Variants in CELSR1 observed in about 807,000 individuals in gnomAD.
CELSR1 encodes cadherin EGF LAG seven-pass G-type receptor 1.
A neutral mutation model predicts 249.1 loss-of-function variants in CELSR1; 110 were observed. That is an observed-to-expected ratio of 0.44 (90% CI 0.38 to 0.52). CELSR1 has a LOEUF of 0.52. Among genes scored for constraint, CELSR1 ranks in the 20% least tolerant of loss-of-function variants. The probability of loss-of-function intolerance (pLI) is 0.00; values close to 1 mark genes in which losing one functional copy is unlikely to be tolerated. For synonymous variants in CELSR1, 2,113 were observed against 1,900.0 expected (o/e 1.11, Z -2.92); for missense variants, 4,109 against 4,296.4 (o/e 0.96, Z 1.22).
In CELSR1 at chr22:46,410,103, C is replaced by T. The variant is rs375559058; in HGVS notation, c.4934-223G>A. On this transcript the variant is annotated intron_variant, in intron 7 of 34. Coordinates refer to ENST00000674500, the MANE Select transcript of CELSR1 (RefSeq NM_001378328.1). This position sits in a 1 kb window ranked among gnomAD's most constrained non-coding sequence, Gnocchi z 6.8. ...TGGGACGCCAGGCCATCACGGCAGC[C>T]GGCCCGGTCACCTGGTGACACATAT... Among the ~76,000 whole-genome samples the T allele has an allele frequency of 5.9e-5, 9 of 152,210 alleles. No homozygotes were observed. The highest frequency in any genetic ancestry group is 4.1e-4 in the South Asian group (2 of 4,830).
In CELSR1 at chr22:46,536,747, C is replaced by T; in HGVS notation, c.424G>A (p.Ala142Thr). Residue 142 changes from alanine to threonine, a missense_variant, in exon 1 of 35, where the codon GCG becomes ACG. Ala to Thr is a moderately conservative substitution (Grantham distance 58). Coordinates refer to ENST00000674500, the MANE Select transcript of CELSR1 (RefSeq NM_001378328.1). ...GGAGCTGCGAGCGCCGAATGCTGCG[C>T]GGCCGCGCAGCCGCCGGGGACGGGG... ...CFPVPGGCAAAQHSALAAPTT... is the reference protein window; with the variant it reads ...CFPVPGGCAATQHSALAAPTT... 3 of 1,174,038 alleles carry T rather than the reference C, an allele frequency of 2.6e-6. No individual in the cohort carries two copies. Among genetic ancestry groups the T allele is most frequent in the Non-Finnish European group, 3.2e-6 (3 of 951,968 alleles). The allele number at this position is 1,174,038 out of a possible 1,614,324, so 72.7% of individuals were successfully genotyped here. A position where few individuals can be genotyped will look rare whatever the true frequency, so the allele number is the denominator to read the frequency against.
chr22:46,485,013 G>C (rs1301227492), intron 1 of CELSR1, among the ~76,000 whole-genome samples: 1 of 151,904 alleles, frequency 6.6e-6, no homozygotes, highest in East Asian at 1.9e-4. Flanking sequence ...GACTGATTCA[G>C]CATGACATTA....
intron 5 of CELSR1, among the ~76,000 whole-genome samples, chr22:46,414,210 G>A (rs912845189): frequency 6.6e-6 from 1 of 152,220 alleles, no homozygotes; most frequent in Non-Finnish European, 1.5e-5. Context: ...AGGGCGTTTA[G>A]GAAACGGTCT....
rs1285560647 is a variant in CELSR1 at position 46,488,554 on chromosome 22, A to G, written c.3545-24209T>C. ...GGCCAGAGGGAAGCCCCACAGGCCT[A>G]GCTGAGGGACACAAAAAGAACAAAC... On this transcript the variant is annotated intron_variant, in intron 1 of 34. Transcript: ENST00000674500. The surrounding 1 kb of genome is among the most constrained non-coding windows in gnomAD (Gnocchi z 4.7). Among the ~76,000 whole-genome samples the G allele has an allele frequency of 6.6e-6, 1 of 152,168 alleles. No homozygotes were observed. The highest frequency in any genetic ancestry group is 1.5e-5 in the Non-Finnish European group (1 of 68,012).
chr22:46,364,574 G>C lies in CELSR1; in HGVS notation c.8717C>G (p.Pro2906Arg). 2 of 1,612,278 alleles carry C rather than the reference G, an allele frequency of 1.2e-6. No individual in the cohort carries two copies. The highest frequency in any genetic ancestry group is 4.5e-5 in the East Asian group (2 of 44,876). Residue 2906 changes from proline (P) to arginine (R), a missense_variant, in exon 33 of 35, where the codon CCG becomes CGG. By Grantham distance (103) the Pro-to-Arg change is moderately radical. Around this residue, in one of 7 missense-constraint regions of CELSR1, gnomAD observed 1,805 missense variants for 1,831.6 expected, o/e 0.99. Coordinates refer to ENST00000674500, the MANE Select transcript of CELSR1 (RefSeq NM_001378328.1). ...EQGSHRGEYP[P>R]DQESGGAARL... ...GGCTGCGCCCCCGCTCTCCTGGTCC[G>C]GGGGGTACTCTCCACGGTGACTGCC...
At chr22:46,533,082 A>G (rs575888655) in intron 1 of CELSR1, among the ~76,000 whole-genome samples, 17 of 152,340 alleles carry the variant, frequency 1.1e-4, no homozygotes, top group African/African-American at 3.8e-4. Context: ...ACAAAGCCCT[A>G]CACACCTAAG....
rs1429954295 is a variant in CELSR1, at chr22:46,406,605, T to TCCACCCGCC, written c.5226+2382_5226+2390dup. Reference sequence around the variant, plus strand: ...GGGCATGTGCTGGGCAGTCCCTCTGTCCACCCGCCAACCCTCATGCCAATC... The same window carrying TCCACCCGCC: ...GGGCATGTGCTGGGCAGTCCCTCTGTCCACCCGCCCCACCCGCCAACCCTCATGCCAATC... On this transcript the variant is annotated intron_variant, in intron 9 of 34. Coordinates refer to ENST00000674500, the MANE Select transcript of CELSR1 (RefSeq NM_001378328.1). The surrounding 1 kb of genome is among the most constrained non-coding windows in gnomAD (Gnocchi z 5.4). Among the ~76,000 whole-genome samples, 2 of 152,168 alleles carry TCCACCCGCC rather than the reference T, an allele frequency of 1.3e-5. No individual in the cohort carries two copies. The highest frequency in any genetic ancestry group is 2.9e-5 in the Non-Finnish European group (2 of 68,026).
chr22:46,480,570 T>G (rs888169627), intron 1 of CELSR1, among the ~76,000 whole-genome samples: 1 of 152,216 alleles, frequency 6.6e-6, no homozygotes, highest in African/African-American at 2.4e-5. Context: ...GGATTTTGTT[T>G]CACAGCTTAT....
At position 46,488,426 on chromosome 22, in the gene CELSR1, G is replaced by A. The variant is rs567906059; in HGVS notation, c.3545-24081C>T. On this transcript the variant is annotated intron_variant, in intron 1 of 34. Transcript: ENST00000674500. The surrounding 1 kb of genome is among the most constrained non-coding windows in gnomAD (Gnocchi z 4.7). ...GGCGAGTGCAGCACAGGAGGCCACC[G>A]TAGTGCCATAGAGCGTGCACCTAGG... Among the ~76,000 whole-genome samples, 64 of 152,270 alleles carry A rather than the reference G, an allele frequency of 4.2e-4. No homozygotes were observed. The highest frequency in any genetic ancestry group is 7.1e-4 in the Non-Finnish European group (48 of 68,008).
rs1263752932 is a variant in CELSR1, at chr22:46,396,705, G to A, written c.5743C>T (p.Pro1915Ser). Residue 1915 changes from proline (P) to serine (S), a missense_variant, in exon 13 of 35, where the codon CCC becomes TCC. This residue lies in a region of CELSR1 where 1,805 missense variants were observed against 1,831.6 expected (regional missense o/e 0.99). Coordinates refer to ENST00000674500, the MANE Select transcript of CELSR1 (RefSeq NM_001378328.1). This position sits in a 1 kb window ranked among gnomAD's most constrained non-coding sequence, Gnocchi z 6.4. ...ACGCAGGCCCCCATGTTCTCGCAGGGGTTCAGGTGACAGGCATCCACACAG... is the reference window on the plus strand; with the variant it reads ...ACGCAGGCCCCCATGTTCTCGCAGGAGTTCAGGTGACAGGCATCCACACAG... Reference protein sequence around the residue: ...INCVDACHLNPCENMGACVRS... With the variant: ...INCVDACHLNSCENMGACVRS... 3 of 1,612,910 alleles carry A rather than the reference G, an allele frequency of 1.9e-6. No homozygotes were observed. Among genetic ancestry groups the A allele is most frequent in the Admixed American group, 1.7e-5 (1 of 59,884 alleles).
chr22:46,537,241 C>A lies in CELSR1; in HGVS notation c.-71G>T. 9.9e-7 allele frequency: 1 copy of A among 1,011,960 alleles called. No individual in the cohort carries two copies. Among genetic ancestry groups the A allele is most frequent in the South Asian group, 4.5e-5 (1 of 22,250 alleles). 62.7% of individuals were successfully genotyped at this position (1,011,960 alleles called of 1,614,324 possible). ...CACCCGGCGCGCCTCCGCATCCACC[C>A]GGCGAGGCCGGGGAGCGGCTCCCGG... On this transcript the variant is annotated 5_prime_UTR_variant, in exon 1 of 35. Transcript: ENST00000674500. This position sits in a 1 kb window ranked among gnomAD's most constrained non-coding sequence, Gnocchi z 5.8.
At chr22:46,477,513 G>GTTTTT (rs1406874382) in intron 1 of CELSR1, among the ~76,000 whole-genome samples, 1 of 84,300 alleles carries the variant, frequency 1.2e-5, no homozygotes, top group Admixed American at 1.4e-4. Context: ...TGTTTTATTG[G>GTTTTT]CTTTTTTTTT....
At chr22:46,392,584 TCTCA>T (rs754069492) in intron 14 of CELSR1, among the ~76,000 whole-genome samples, 28 of 152,102 alleles carry the variant, frequency 1.8e-4, no homozygotes, top group Non-Finnish European at 3.5e-4. Context: ...TGAGATGGGG[TCTCA>T]CTGTGTTGCC....
Position 46,437,894 on chromosome 22 carries a change from G to A in CELSR1, c.4406+1295C>T, listed in dbSNP as rs2079683447. ...TGGGCAGGGAATGAGCAGGGAGAAG[G>A]GATCTTAATGACGACGGGACCAACT... On this transcript the variant is annotated intron_variant, in intron 3 of 34. Transcript: ENST00000674500. The surrounding 1 kb of genome is among the most constrained non-coding windows in gnomAD (Gnocchi z 4.9). 6.6e-6 allele frequency among the ~76,000 whole-genome samples: 1 copy of A among 152,184 alleles called. No individual in the cohort carries two copies. Among genetic ancestry groups the A allele is most frequent in the African/African-American group, 2.4e-5 (1 of 41,450 alleles).
Position 46,399,848 on chromosome 22 carries a change from A to C in CELSR1, c.5281T>G (p.Ser1761Ala), listed in dbSNP as rs756463769. Residue 1761 changes from serine (S) to alanine (A), a missense_variant, in exon 10 of 35, where the codon TCC becomes GCC. By Grantham distance (99) the Ser-to-Ala change is moderately conservative (BLOSUM62 1). Coordinates refer to ENST00000674500, the MANE Select transcript of CELSR1 (RefSeq NM_001378328.1). The surrounding 1 kb of genome is among the most constrained non-coding windows in gnomAD (Gnocchi z 5.0). ...EVSHGPSDVESVMLSGLRVTD... is the reference protein window; with the variant it reads ...EVSHGPSDVEAVMLSGLRVTD... ...ACCCGCAACCCGGACAGCATCACGG[A>C]CTCCACATCGGAGGGGCCGTGGGAC... 3 of 1,613,858 alleles carry C rather than the reference A, an allele frequency of 1.9e-6. No individual in the cohort carries two copies. Among genetic ancestry groups the C allele is most frequent in the Non-Finnish European group, 2.5e-6 (3 of 1,179,974 alleles).
chr22:46,393,675 C>T lies in CELSR1; in HGVS notation c.5964+467G>A, dbSNP rs2079117721. Reference sequence around the variant, plus strand: ...ATTGCTGGAACCCGGGAGGCGGAGGCTGCAGTGAGCCGAGATCGCACCACT... The same window carrying T: ...ATTGCTGGAACCCGGGAGGCGGAGGTTGCAGTGAGCCGAGATCGCACCACT... On this transcript the variant is annotated intron_variant, in intron 14 of 34. Coordinates refer to ENST00000674500, the MANE Select transcript of CELSR1 (RefSeq NM_001378328.1). This position sits in a 1 kb window ranked among gnomAD's most constrained non-coding sequence, Gnocchi z 4.1. Among the ~76,000 whole-genome samples, 1 of 150,906 alleles carries T rather than the reference C, an allele frequency of 6.6e-6. No homozygotes were observed. The highest frequency in any genetic ancestry group is 2.4e-5 in the African/African-American group (1 of 40,956).
rs1414921672 is a variant in CELSR1, at chr22:46,390,918, C to T, written c.6250+268G>A. 2.0e-5 allele frequency among the ~76,000 whole-genome samples: 3 copies of T among 152,212 alleles called. No individual in the cohort carries two copies. The highest frequency in any genetic ancestry group is 4.4e-5 in the Non-Finnish European group (3 of 68,034). On this transcript the variant is annotated intron_variant, in intron 16 of 34. Coordinates refer to ENST00000674500, the MANE Select transcript of CELSR1 (RefSeq NM_001378328.1). This position sits in a 1 kb window ranked among gnomAD's most constrained non-coding sequence, Gnocchi z 6.3. Reference sequence around the variant, plus strand: ...CTATGAACAGTGAAGCCACTTGTCCCGGTGCCCCAGCCTGAGCGGCAGAGC... The same window carrying T: ...CTATGAACAGTGAAGCCACTTGTCCTGGTGCCCCAGCCTGAGCGGCAGAGC...
rs9616027 is a variant in CELSR1, at chr22:46,500,594, G to C, written c.3544+33033C>G. On this transcript the variant is annotated intron_variant, in intron 1 of 34. Coordinates refer to ENST00000674500, the MANE Select transcript of CELSR1 (RefSeq NM_001378328.1). The surrounding 1 kb of genome is among the most constrained non-coding windows in gnomAD (Gnocchi z 4.9). ...CCATAACTTGTCACAGAAGAACAGAGGCCCGAGCTAGCCCACACCTGTGTT... is the reference window on the plus strand; with the variant it reads ...CCATAACTTGTCACAGAAGAACAGACGCCCGAGCTAGCCCACACCTGTGTT... 6.6e-6 allele frequency among the ~76,000 whole-genome samples: 1 copy of C among 152,150 alleles called. No homozygotes were observed. Among genetic ancestry groups the C allele is most frequent in the African/African-American group, 2.4e-5 (1 of 41,444 alleles).
chr22:46,487,548 C>G (rs59464696), intron 1 of CELSR1, among the ~76,000 whole-genome samples: 13,876 of 24,590 alleles, frequency 0.56, 3,400 homozygotes, highest in Middle Eastern at 0.61. Context: ...GGGGAGTCCA[C>G]GGTGCAGTGC....
Sources: allele counts gnomAD v4.1 joint callset (sites outside exome capture counted in the v4.1 genomes callset), GRCh38; gene constraint gnomAD v4.1.1; regional missense constraint gnomAD v4.1.1; non-coding constraint Gnocchi (gnomAD v3.1); transcripts MANE v1.5; gene names NCBI Gene and HGNC (gene_info 2026-07-23, HGNC 2026-07-21).